Variants in H2BC18 observed in about 807,000 individuals in gnomAD.
The protein encoded by H2BC18 is histone H2B type 2-F.
H2BC18 carries 8 observed loss-of-function variants against 6.3 expected under a neutral mutation model. That is an observed-to-expected ratio of 1.28 (90% CI 0.75 to 2.31). H2BC18 has a LOEUF of 2.31. Ranked by LOEUF, H2BC18 falls within the 30% of genes most tolerant of loss-of-function variation. The probability of loss-of-function intolerance (pLI) is 0.00; values close to 1 mark genes in which losing one functional copy is unlikely to be tolerated. For synonymous variants in H2BC18, 104 were observed against 78.1 expected (o/e 1.33, Z -1.75); for missense variants, 106 against 174.5 (o/e 0.61, Z 2.21).
chr1:149,785,383 TTAGGGAAGCTGACAGAGCTGTTTCG>T (rs2091513645), intron 1 of H2BC18, among the ~76,000 whole-genome samples: 1 of 148,080 alleles, frequency 6.8e-6, no homozygotes, highest in Admixed American at 6.8e-5. Flanking sequence ...GATGGAGAGG[TTAGGGAAGCTGACAGAGCTGTTTCG>T]TTTTTTTTTT....
At position 149,812,344 on chromosome 1, in the gene H2BC18, A is replaced by C. The variant is rs2941202; in HGVS notation, c.-21T>G. The C allele has an allele frequency of 1.0e-4, 165 of 1,613,868 alleles. 1 individual carries two copies. The South Asian group carries it at 1.2e-3, about 12-fold the overall frequency. ...GGCATTTTTGCGCGAAAAAAGAGAA[A>C]AGAGACTTAAAGAAGTAATCCGAAC... is the stretch of plus-strand genomic sequence containing the variant. On this transcript the variant is annotated 5_prime_UTR_variant, in exon 1 of 1. Transcript: ENST00000369167.
chr1:149,812,087 G>C lies in H2BC18; in HGVS notation c.237C>G (p.Ser79=). Residue 79 remains serine (S), a synonymous_variant, in exon 1 of 1, where the codon TCC becomes TCG. Coordinates refer to ENST00000369167, the MANE Select transcript of H2BC18 (RefSeq NM_001024599.5). Reference sequence around the variant, plus strand: ...AGCGCTTGTTGTAGTGCGCCAGGCGGGACGCCTCTCCCGCGATGCGCTCGA... The same window carrying C: ...AGCGCTTGTTGTAGTGCGCCAGGCGCGACGCCTCTCCCGCGATGCGCTCGA... ...DIFERIAGEA[S]RLAHYNKRST... 1 of 1,614,282 alleles carries C rather than the reference G, an allele frequency of 6.2e-7. No individual in the cohort carries two copies. The highest frequency in any genetic ancestry group is 8.5e-7 in the Non-Finnish European group (1 of 1,180,056).
At chr1:149,793,727 GTTCTTCACC>G (rs201166461) in intron 1 of H2BC18, among the ~76,000 whole-genome samples, 8,075 of 151,808 alleles carry the variant, frequency 0.053, 319 homozygotes, top group Non-Finnish European at 0.081. Flanking sequence ...GTTAGGGGTC[GTTCTTCACC>G]TTCCAGGCTG....
chr1:149,806,795 G>A (rs1243771476), intron 1 of H2BC18, among the ~76,000 whole-genome samples: 2 of 152,304 alleles, frequency 1.3e-5, no homozygotes, highest in African/African-American at 2.4e-5. Context: ...GAAATAGCAA[G>A]TGCAAACATC....
downstream of H2BC18, among the ~76,000 whole-genome samples, chr1:149,809,879 G>T (rs2091955709): frequency 6.6e-6 from 1 of 150,448 alleles, no homozygotes; most frequent in Non-Finnish European, 1.5e-5. Context: ...TCAGAACAAT[G>T]TAACAAAAGC....
intron 1 of H2BC18, chr1:149,792,940 C>G (rs1553752263): frequency 1.6e-6 from 2 of 1,273,440 alleles, no homozygotes; most frequent in African/African-American, 1.6e-5. Context: ...GGTGTGAAAA[C>G]CCGGCGGCAG....
At chr1:149,789,699 A>G (rs1181803098) in intron 1 of H2BC18, among the ~76,000 whole-genome samples, 4 of 152,130 alleles carry the variant, frequency 2.6e-5, no homozygotes, top group Non-Finnish European at 5.9e-5. Flanking sequence ...CATGAACCCT[A>G]TTGTGAATTG....
At chr1:149,788,501 A>G (rs1259709797) in intron 1 of H2BC18, 1 of 1,613,734 alleles carries the variant, frequency 6.2e-7, no homozygotes, top group African/African-American at 1.3e-5. Flanking sequence ...AAGTTTTTCC[A>G]CTGGAATTCT....
At chr1:149,797,354 A>G (rs587643974) in intron 1 of H2BC18, among the ~76,000 whole-genome samples, 2 of 152,082 alleles carry the variant, frequency 1.3e-5, no homozygotes, top group South Asian at 4.1e-4. Flanking sequence ...CATTTTGTCT[A>G]CATTCGCAAA....
chr1:149,812,105 G>A lies in H2BC18; in HGVS notation c.219C>T (p.Arg73=), dbSNP rs2091984002. 8 of 1,614,168 alleles carry A rather than the reference G, an allele frequency of 5.0e-6. No individual in the cohort carries two copies. Among genetic ancestry groups the A allele is most frequent in the East Asian group, 2.2e-5 (1 of 44,894 alleles). ...MNSFVNDIFE[R]IAGEASRLAH... ...CCAGGCGGGACGCCTCTCCCGCGAT[G>A]CGCTCGAAGATGTCGTTGACGAAGG... is the stretch of plus-strand genomic sequence containing the variant. The change falls in exon 1 of 1, where the codon CGC becomes CGT. Residue 73 remains arginine (R), a synonymous_variant. Transcript: ENST00000369167.
chr1:149,791,121 G>A, intron 1 of H2BC18: 1 of 1,466,222 alleles, frequency 6.8e-7, no homozygotes. Context: ...AATGACCAGT[G>A]CCTCCCTGAG....
Position 149,793,040 on chromosome 1 carries a change from G to A in H2BC18, c.378-9780C>T, listed in dbSNP as rs587684050. ...CCCCGCCCCGGGCCCGCCAGCTCCC[G>A]GGCCCCGGCGCGGCGCCACCTGGCG... On this transcript the variant is annotated intron_variant, in intron 1 of 1. Coordinates refer to the H2BC18 transcript ENST00000545683. 8.7e-6 allele frequency: 11 copies of A among 1,262,214 alleles called. No individual in the cohort carries two copies. The South Asian group carries it at 1.3e-4, about 15-fold the overall frequency. The allele number at this position is 1,262,214 out of a possible 1,614,324, so 78.2% of individuals were successfully genotyped here. A position where few individuals can be genotyped will look rare whatever the true frequency, so the allele number is the denominator to read the frequency against.
chr1:149,789,903 G>C, intron 1 of H2BC18: 1 of 1,492,502 alleles, frequency 6.7e-7, no homozygotes, highest in Admixed American at 2.0e-5. Flanking sequence ...GACACCCCAA[G>C]AATGGCTCTC....
chr1:149,797,525 G>A (rs1342399516), intron 1 of H2BC18, among the ~76,000 whole-genome samples: 1 of 152,134 alleles, frequency 6.6e-6, no homozygotes, highest in Non-Finnish European at 1.5e-5. Context: ...AGGAAGGTAT[G>A]ATCTGTTTCA....
intron 1 of H2BC18, among the ~76,000 whole-genome samples, chr1:149,803,281 T>C (rs1553753550): frequency 5.3e-5 from 8 of 151,816 alleles, no homozygotes. Context: ...CAAAGGTGGG[T>C]GTGGGGAAAT....
chr1:149,789,534 T>G (rs2091646600), intron 1 of H2BC18, among the ~76,000 whole-genome samples: 1 of 152,210 alleles, frequency 6.6e-6, no homozygotes, highest in South Asian at 2.1e-4. Flanking sequence ...CAGGGAAGGA[T>G]GGACCTTGTA....
At chr1:149,800,310 T>G (rs1280776200) in intron 1 of H2BC18, among the ~76,000 whole-genome samples, 1 of 152,212 alleles carries the variant, frequency 6.6e-6, no homozygotes, top group Non-Finnish European at 1.5e-5. Context: ...CTTTTGGGTC[T>G]TTGTATGGAG....
chr1:149,799,646 A>T (rs2664702), intron 1 of H2BC18, among the ~76,000 whole-genome samples: 1 of 152,324 alleles, frequency 6.6e-6, no homozygotes. Context: ...TATTTCTTAC[A>T]TGTTTTCAAT....
chr1:149,793,275 A>T, intron 1 of H2BC18: 1 of 1,217,590 alleles, frequency 8.2e-7, no homozygotes, highest in Non-Finnish European at 1.0e-6. Context: ...GGGGAGTGGG[A>T]GAGGCCGCCC....
Sources: allele counts gnomAD v4.1 joint callset (sites outside exome capture counted in the v4.1 genomes callset), GRCh38; gene constraint gnomAD v4.1.1; transcripts MANE v1.5; gene names NCBI Gene and HGNC (gene_info 2026-07-23, HGNC 2026-07-21).